HLTF: variants seen among roughly 807,000 people sequenced by gnomAD.
HLTF encodes the protein DNA-dependent ATPase/E3 ubiquitin-protein ligase HLTF.
In HLTF, 127 loss-of-function variants were observed where a neutral mutation model predicts 129.4. The observed-to-expected ratio is 0.98, with a 90% CI of 0.85 to 1.14. HLTF has a LOEUF of 1.14. Ranked by LOEUF, HLTF falls within the 50% of genes most tolerant of loss-of-function variation. The pLI is 0.00. For synonymous variants in HLTF, 332 were observed against 388.8 expected (o/e 0.85, Z 1.72); for missense variants, 1,139 against 1,187.1 (o/e 0.96, Z 0.60).
intron 14 of HLTF, among the ~76,000 whole-genome samples, chr3:149,051,799 G>A (rs147746075): frequency 0.018 from 2,744 of 152,250 alleles, 87 homozygotes; most frequent in African/African-American, 0.062. Flanking sequence ...GAACCCAGGA[G>A]ACAGAGGTTG....
At chr3:149,073,585 T>G (rs1719061464) in intron 4 of HLTF, among the ~76,000 whole-genome samples, 1 of 152,104 alleles carries the variant, frequency 6.6e-6, no homozygotes, top group Admixed American at 6.5e-5. Context: ...TCCCAGCTAC[T>G]CAGGAGGCTC....
chr3:149,038,553 A>G (rs1373759808), intron 23 of HLTF, among the ~76,000 whole-genome samples: 1 of 151,822 alleles, frequency 6.6e-6, no homozygotes, highest in East Asian at 1.9e-4. Context: ...CCCAGGCTGG[A>G]GTGCAGTGAC....
Position 149,039,680 on chromosome 3 carries a change from A to G in HLTF, c.2516T>C (p.Met839Thr). The G allele has an allele frequency of 6.3e-7, 1 of 1,581,834 alleles. No homozygotes were observed. Among genetic ancestry groups the G allele is most frequent in the Non-Finnish European group, 8.6e-7 (1 of 1,163,870 alleles). Residue 839 changes from methionine to threonine, a missense_variant, in exon 22 of 25, where the codon ATG becomes ACG. Transcript: ENST00000310053. ...WTSSSKINALMHALTDLRKKN... is the reference protein window; with the variant it reads ...WTSSSKINALTHALTDLRKKN... Reference sequence around the variant, plus strand: ...CTTTCTTAAGTCAGTCAATGCGTGCATTAGCGCATTAATCTGCAAAAAATA... The same window carrying G: ...CTTTCTTAAGTCAGTCAATGCGTGCGTTAGCGCATTAATCTGCAAAAAATA...
intron 5 of HLTF, 94 bp from the exon 6 acceptor site, chr3:149,071,751 G>C (rs35581343): frequency 1.2e-6 from 1 of 835,518 alleles, no homozygotes; most frequent in Admixed American, 2.5e-5. Flanking sequence ...ATTAACTGGC[G>C]TTAATGTCAA....
rs777724079 is a variant in HLTF at position 149,084,677 on chromosome 3, C to T, written c.228+5G>A. 2 of 1,587,450 alleles carry T rather than the reference C, an allele frequency of 1.3e-6. No homozygotes were observed. Among genetic ancestry groups the T allele is most frequent in the Non-Finnish European group, 1.7e-6 (2 of 1,156,342 alleles). On this transcript the variant is annotated splice_donor_5th_base_variant and intron_variant, in intron 2 of 24. Coordinates refer to ENST00000310053, the MANE Select transcript of HLTF (RefSeq NM_003071.4). ...CAAAATTTAATTATCTACTATTATA[C>T]TCACTACTCCCGTGTAATAGCGTAG...
chr3:149,044,188 G>A (rs1278574289), intron 18 of HLTF, among the ~76,000 whole-genome samples: 2 of 152,028 alleles, frequency 1.3e-5, no homozygotes, highest in African/African-American at 4.8e-5. Context: ...GGATTGCTGT[G>A]AATACATTTA....
intron 4 of HLTF, 29 bp from the exon 5 acceptor site, chr3:149,073,351 G>A: frequency 2.1e-6 from 3 of 1,457,290 alleles, no homozygotes; most frequent in Non-Finnish European, 2.9e-6. Flanking sequence ...AAAGAATAAA[G>A]CCATCAAATA....
chr3:149,056,483 A>G (rs1717439914), intron 13 of HLTF, among the ~76,000 whole-genome samples: 2 of 152,214 alleles, frequency 1.3e-5, no homozygotes, highest in South Asian at 4.1e-4. Context: ...CTGGAAGGTG[A>G]GCAAAGTATC....
intron 15 of HLTF, 128 bp from the exon 16 acceptor site, chr3:149,049,129 C>A (rs952920840): frequency 3.7e-6 from 2 of 536,870 alleles, no homozygotes; most frequent in South Asian, 3.7e-5. Flanking sequence ...GCTTTAAGCA[C>A]TACATTAATT....
chr3:149,043,199 GA>G (rs1206228731), intron 18 of HLTF, among the ~76,000 whole-genome samples: 1 of 151,160 alleles, frequency 6.6e-6, no homozygotes, highest in Non-Finnish European at 1.5e-5. Flanking sequence ...GAAAGTGAAA[GA>G]AAACAGTGAA....
At chr3:149,064,113 C>A (rs769736559) in intron 9 of HLTF, among the ~76,000 whole-genome samples, 1 of 152,086 alleles carries the variant, frequency 6.6e-6, no homozygotes, top group East Asian at 1.9e-4. Context: ...TTTCCTTCAA[C>A]CTTACTTCTT....
intron 2 of HLTF, among the ~76,000 whole-genome samples, chr3:149,082,874 T>C (rs1414644504): frequency 2.0e-5 from 3 of 152,104 alleles, no homozygotes; most frequent in African/African-American, 7.3e-5. Context: ...TACATGCACA[T>C]GCTCACAGAA....
intron 17 of HLTF, among the ~76,000 whole-genome samples, chr3:149,047,590 C>T (rs1716650576): frequency 6.6e-6 from 1 of 152,066 alleles, no homozygotes; most frequent in Admixed American, 6.5e-5. Flanking sequence ...TGCAGTGAGC[C>T]AAGATCGCGC....
chr3:149,040,032 T>G lies in HLTF; in HGVS notation c.2501A>C (p.Lys834Thr), dbSNP rs751112077. The G allele has an allele frequency of 6.2e-7, 1 of 1,609,636 alleles. No individual in the cohort carries two copies. The highest frequency in any genetic ancestry group is 8.5e-7 in the Non-Finnish European group (1 of 1,178,524). ...KSDMEWTSSS[K>T]INALMHALTD... ...AATATTTGCACATGAGTACTTTACC[T>G]TTGAACTGGATGTCCATTCCATATC... Residue 834 changes from lysine (K) to threonine (T), a missense_variant and splice_region_variant, in exon 21 of 25, where the codon AAG becomes ACG. Coordinates refer to ENST00000310053, the MANE Select transcript of HLTF (RefSeq NM_003071.4).
Position 149,056,966 on chromosome 3 carries a change from G to A in HLTF, c.1376-1566C>T, listed in dbSNP as rs1318396876. Among the ~76,000 whole-genome samples, 10 of 151,712 alleles carry A rather than the reference G, an allele frequency of 6.6e-5. 1 individual carries two copies. The South Asian group carries it at 1.7e-3, about 25-fold the overall frequency. ...CTACTAAAAATACAAAAAATTAGCC[G>A]GGGGAGGTGGCGGGCGCCTGTAGTC... On this transcript the variant is annotated intron_variant, in intron 13 of 24. Transcript: ENST00000310053.
intron 5 of HLTF, among the ~76,000 whole-genome samples, chr3:149,072,195 A>G (rs1325649006): frequency 4.6e-5 from 7 of 152,234 alleles, no homozygotes; most frequent in African/African-American, 1.7e-4. Flanking sequence ...GAGGTAAAAG[A>G]ATATAAAAGA....
At chr3:149,067,671 A>T (rs933359824) in intron 8 of HLTF, among the ~76,000 whole-genome samples, 1 of 151,992 alleles carries the variant, frequency 6.6e-6, no homozygotes, top group Non-Finnish European at 1.5e-5. Context: ...CCCAGCCTTT[A>T]AAACAATGTT....
At chr3:149,073,150 C>A in intron 5 of HLTF, 75 bp downstream of exon 5, 1 of 885,914 alleles carries the variant, frequency 1.1e-6, no homozygotes, top group Admixed American at 2.4e-5. Flanking sequence ...CGTACATATT[C>A]ATCCTGTTCT....
At chr3:149,081,411 CAAATT>C (rs1719866749) in intron 2 of HLTF, among the ~76,000 whole-genome samples, 1 of 151,902 alleles carries the variant, frequency 6.6e-6, no homozygotes, top group Non-Finnish European at 1.5e-5. Context: ...TTAAATGACT[CAAATT>C]AAGTGCTCAA....
Sources: gnomAD v4.1 joint callset for allele counts (sites outside exome capture counted in the v4.1 genomes callset) on GRCh38, gnomAD v4.1.1 for gene constraint, MANE v1.5 for transcripts, NCBI Gene and HGNC (gene_info 2026-07-23, HGNC 2026-07-21) for gene names.